Variants in ERBB4 observed in about 807,000 individuals in gnomAD.
ERBB4 encodes receptor tyrosine-protein kinase erbB-4.
A neutral mutation model predicts 158.0 loss-of-function variants in ERBB4; 42 were observed. The observed-to-expected ratio is 0.27, with a 90% CI of 0.21 to 0.34. ERBB4 has a LOEUF of 0.34. ERBB4 is among the 10% of genes least tolerant of loss of function. ERBB4 has a pLI of 1.00. For synonymous variants in ERBB4, 583 were observed against 558.7 expected (o/e 1.04, Z -0.61); for missense variants, 1,333 against 1,624.1 (o/e 0.82, Z 3.08).
chr2:211,533,953 T>C (rs2066574160), intron 20 of ERBB4, among the ~76,000 whole-genome samples: 1 of 152,138 alleles, frequency 6.6e-6, no homozygotes. Flanking sequence ...CTGACTTTCC[T>C]ATGATTTCTT....
intron 4 of ERBB4, among the ~76,000 whole-genome samples, chr2:211,752,994 T>C (rs563581913): frequency 7.5e-4 from 114 of 152,330 alleles, no homozygotes; most frequent in African/African-American, 2.5e-3. Context: ...CTACCCTTAT[T>C]TAACTTTCTC....
chr2:212,387,618 A>G (rs1260041501), intron 1 of ERBB4, among the ~76,000 whole-genome samples: 1 of 151,960 alleles, frequency 6.6e-6, no homozygotes, highest in South Asian at 2.1e-4. Context: ...GGGTTTTGTC[A>G]TTTTGGTCAG....
chr2:211,618,702 T>C (rs944088905), intron 19 of ERBB4, among the ~76,000 whole-genome samples: 4 of 152,142 alleles, frequency 2.6e-5, no homozygotes, highest in African/African-American at 9.6e-5. Flanking sequence ...ACTTAGCAAA[T>C]ACTTTGTAAA....
At chr2:212,532,560 G>A (rs1692813728) in intron 1 of ERBB4, among the ~76,000 whole-genome samples, 6 of 152,232 alleles carry the variant, frequency 3.9e-5, no homozygotes. Flanking sequence ...CATTCAAGAT[G>A]TTAATAGCTT....
At chr2:212,053,913 T>G (rs1304992830) in intron 2 of ERBB4, among the ~76,000 whole-genome samples, 1 of 151,740 alleles carries the variant, frequency 6.6e-6, no homozygotes, top group Non-Finnish European at 1.5e-5. Flanking sequence ...TTGTTACTTA[T>G]AAAAATTACT....
intron 3 of ERBB4, among the ~76,000 whole-genome samples, chr2:211,849,856 A>C (rs2077676452): frequency 6.6e-6 from 1 of 152,000 alleles, no homozygotes; most frequent in South Asian, 2.1e-4. Context: ...AGAATAGCAC[A>C]TTTTATGCAC....
chr2:211,794,202 A>G (rs1289146797), intron 3 of ERBB4, among the ~76,000 whole-genome samples: 1 of 151,938 alleles, frequency 6.6e-6, no homozygotes, highest in South Asian at 2.1e-4. Flanking sequence ...ATACTTCAGT[A>G]TCCACTACAA....
At chr2:211,950,340 C>T (rs2080840325) in intron 2 of ERBB4, among the ~76,000 whole-genome samples, 1 of 152,096 alleles carries the variant, frequency 6.6e-6, no homozygotes, top group Admixed American at 6.6e-5. Flanking sequence ...TGTAAGACCT[C>T]TCACAATACA....
chr2:211,574,311 C>T (rs1236933618), intron 19 of ERBB4, among the ~76,000 whole-genome samples: 1 of 152,128 alleles, frequency 6.6e-6, no homozygotes, highest in Non-Finnish European at 1.5e-5. Flanking sequence ...CTTCCCATCT[C>T]AACATATAAC....
At chr2:212,280,756 G>T (rs1365979849) in intron 1 of ERBB4, among the ~76,000 whole-genome samples, 1 of 151,630 alleles carries the variant, frequency 6.6e-6, no homozygotes, top group Admixed American at 6.6e-5. Flanking sequence ...ATGCAGGCAT[G>T]AAGTAAAAGC....
intron 1 of ERBB4, among the ~76,000 whole-genome samples, chr2:212,219,206 T>C (rs2083205330): frequency 6.6e-6 from 1 of 151,440 alleles, no homozygotes; most frequent in Non-Finnish European, 1.5e-5. Context: ...AAAAAATTGG[T>C]AAATGGTAGA....
chr2:211,942,880 T>C (rs1165375840), intron 3 of ERBB4, among the ~76,000 whole-genome samples: 1 of 152,120 alleles, frequency 6.6e-6, no homozygotes, highest in Non-Finnish European at 1.5e-5. Context: ...TGAAATGTAG[T>C]GTGATAAATA....
chr2:212,180,339 C>T (rs1469637239), intron 1 of ERBB4, among the ~76,000 whole-genome samples: 1 of 151,574 alleles, frequency 6.6e-6, no homozygotes, highest in Non-Finnish European at 1.5e-5. Flanking sequence ...AGTGAAACAC[C>T]TGGATCACCC....
At chr2:211,897,210 A>G (rs2079120361) in intron 3 of ERBB4, among the ~76,000 whole-genome samples, 1 of 151,766 alleles carries the variant, frequency 6.6e-6, no homozygotes, top group African/African-American at 2.4e-5. Flanking sequence ...ACATACATAC[A>G]CCCACGCATG....
chr2:211,467,297 C>T (rs970352396), intron 20 of ERBB4, among the ~76,000 whole-genome samples: 1 of 152,154 alleles, frequency 6.6e-6, no homozygotes, highest in African/African-American at 2.4e-5. Flanking sequence ...CTCAACCACC[C>T]ATCAGTTTCT....
chr2:211,790,074 A>G (rs1025375979), intron 3 of ERBB4, among the ~76,000 whole-genome samples: 1 of 152,074 alleles, frequency 6.6e-6, no homozygotes, highest in Non-Finnish European at 1.5e-5. Flanking sequence ...TACAACCTTC[A>G]TCAAAGCAGA....
At chr2:212,083,574 G>A (rs913686045) in intron 2 of ERBB4, among the ~76,000 whole-genome samples, 4 of 151,782 alleles carry the variant, frequency 2.6e-5, no homozygotes, top group Admixed American at 2.6e-4. Flanking sequence ...GACTACACGA[G>A]AGACTGCCCG....
intron 3 of ERBB4, among the ~76,000 whole-genome samples, chr2:211,830,708 G>A (rs932652085): frequency 6.6e-6 from 1 of 152,042 alleles, no homozygotes; most frequent in South Asian, 2.1e-4. Flanking sequence ...ATATAAAAAT[G>A]TATGTTTAAG....
At chr2:211,905,830 C>T (rs1409053568) in intron 3 of ERBB4, among the ~76,000 whole-genome samples, 1 of 148,778 alleles carries the variant, frequency 6.7e-6, no homozygotes, top group Admixed American at 6.7e-5. Context: ...TGGAAAAACA[C>T]TTAAAGAAGG....
Sources: gnomAD v4.1 joint callset for allele counts (sites outside exome capture counted in the v4.1 genomes callset) on GRCh38, gnomAD v4.1.1 for gene constraint, MANE v1.5 for transcripts, NCBI Gene and HGNC (gene_info 2026-07-23, HGNC 2026-07-21) for gene names.